SSU72: variants seen among roughly 807,000 people sequenced by gnomAD.
SSU72 encodes the protein RNA polymerase II subunit A C-terminal domain phosphatase SSU72.
In SSU72, 12 loss-of-function variants were observed where a neutral mutation model predicts 22.7. That is an observed-to-expected ratio of 0.53 (90% CI 0.34 to 0.86). The LOEUF (loss-of-function observed/expected upper bound fraction) is 0.86, where lower values mean the gene tolerates loss of function less well. SSU72 is among the 40% of genes least tolerant of loss of function. The probability of loss-of-function intolerance (pLI) is 0.02; values close to 1 mark genes in which losing one functional copy is unlikely to be tolerated. For synonymous variants in SSU72, 116 were observed against 98.3 expected (o/e 1.18, Z -1.06); for missense variants, 151 against 249.8 (o/e 0.60, Z 2.67).
At chr1:1,572,917 G>A (rs1278604654) in intron 1 of SSU72, among the ~76,000 whole-genome samples, 2 of 143,150 alleles carry the variant, frequency 1.4e-5, no homozygotes, top group African/African-American at 5.1e-5. Flanking sequence ...TTGCTTAAAT[G>A]TATCAAATTT....
chr1:1,553,377 C>T lies in SSU72; in HGVS notation c.225-8375G>A, dbSNP rs947619710. Among the ~76,000 whole-genome samples the T allele has an allele frequency of 2.6e-5, 4 of 152,068 alleles. No homozygotes were observed. In the South Asian group the frequency reaches 6.2e-4, roughly 24 times the overall value. ...GTTGTTTTGCCAGGAAATTCAGCTT[C>T]GGAATACAACCTTTTAAGGCTGAGG... On this transcript the variant is annotated intron_variant, in intron 2 of 4. Coordinates refer to ENST00000291386, the MANE Select transcript of SSU72 (RefSeq NM_014188.3).
chr1:1,573,232 TAAG>T (rs1420401826), intron 1 of SSU72, among the ~76,000 whole-genome samples: 1 of 135,566 alleles, frequency 7.4e-6, no homozygotes, highest in East Asian at 2.2e-4. Flanking sequence ...CCATCCTGGC[TAAG>T]ATGATGAAAC....
chr1:1,557,602 C>T (rs1253709905), intron 2 of SSU72, among the ~76,000 whole-genome samples: 5 of 151,968 alleles, frequency 3.3e-5, no homozygotes, highest in Non-Finnish European at 7.4e-5. Flanking sequence ...TGAGACATGT[C>T]TGGCCAACGT....
chr1:1,574,351 C>G, intron 1 of SSU72, 127 bp downstream of exon 1: 1 of 990,852 alleles, frequency 1.0e-6, no homozygotes, highest in Non-Finnish European at 1.5e-6. Context: ...TCCCAACCAG[C>G]CGACCCACGA....
chr1:1,555,548 G>A (rs528817356), intron 2 of SSU72, among the ~76,000 whole-genome samples: 29 of 152,320 alleles, frequency 1.9e-4, no homozygotes, highest in African/African-American at 4.6e-4. Context: ...AAGCGTGGAC[G>A]GCAGCTCCGT....
rs1437763679 is a variant in SSU72, at chr1:1,542,401, T to TGGGAGGAGCC, written c.484-244_484-235dup. On this transcript the variant is annotated intron_variant, in intron 4 of 4. Coordinates refer to ENST00000291386, the MANE Select transcript of SSU72 (RefSeq NM_014188.3). The surrounding 1 kb of genome is among the most constrained non-coding windows in gnomAD (Gnocchi z 4.4). Reference sequence around the variant, plus strand: ...CACAGGACCTGAAGCTGGGAGGAGCTGGGAGGAGCCTGGAGCTGGATTCTG... The same window carrying TGGGAGGAGCC: ...CACAGGACCTGAAGCTGGGAGGAGCTGGGAGGAGCCGGGAGGAGCCTGGAGCTGGATTCTG... Among the ~76,000 whole-genome samples, 1 of 151,996 alleles carries TGGGAGGAGCC rather than the reference T, an allele frequency of 6.6e-6. No individual in the cohort carries two copies. Among genetic ancestry groups the TGGGAGGAGCC allele is most frequent in the Non-Finnish European group, 1.5e-5 (1 of 67,982 alleles).
chr1:1,572,402 T>G (rs960392852), intron 1 of SSU72, among the ~76,000 whole-genome samples: 1 of 148,616 alleles, frequency 6.7e-6, no homozygotes, highest in Non-Finnish European at 1.5e-5. Flanking sequence ...CACTCCAGCC[T>G]GGGCTACAGA....
At chr1:1,561,923 T>A (rs1411354244) in intron 2 of SSU72, 1 of 152,466 alleles carries the variant, frequency 6.6e-6, no homozygotes, top group Admixed American at 6.5e-5. Flanking sequence ...CTGCCACTCC[T>A]TCCCCCCACC....
intron 2 of SSU72, among the ~76,000 whole-genome samples, chr1:1,553,181 A>G (rs911082421): frequency 6.6e-6 from 1 of 152,164 alleles, no homozygotes; most frequent in Non-Finnish European, 1.5e-5. Context: ...TCACTTGGAC[A>G]GAAACCCTGG....
intron 2 of SSU72, among the ~76,000 whole-genome samples, chr1:1,552,112 G>C (rs1642462023): frequency 1.3e-5 from 2 of 152,320 alleles, no homozygotes; most frequent in African/African-American, 4.8e-5. Flanking sequence ...GCTCTGGAGG[G>C]CGCCGGCTGC....
chr1:1,556,912 C>T (rs1284269863), intron 2 of SSU72, among the ~76,000 whole-genome samples: 3 of 152,236 alleles, frequency 2.0e-5, no homozygotes, highest in Non-Finnish European at 4.4e-5. Flanking sequence ...CTACCTCAGC[C>T]AGTCAGCTCC....
chr1:1,573,435 A>C (rs1642763987), intron 1 of SSU72, among the ~76,000 whole-genome samples: 2 of 44,500 alleles, frequency 4.5e-5, no homozygotes, highest in Non-Finnish European at 6.2e-5. Context: ...GTCTCAAAAA[A>C]AAAAAAAAAA....
chr1:1,552,492 G>C (rs1252389510), intron 2 of SSU72, among the ~76,000 whole-genome samples: 1 of 152,226 alleles, frequency 6.6e-6, no homozygotes, highest in Non-Finnish European at 1.5e-5. Flanking sequence ...CAGGGTCTTG[G>C]TGCCTGAGCT....
intron 2 of SSU72, chr1:1,562,955 T>A (rs1287820735): frequency 6.6e-6 from 1 of 152,344 alleles, no homozygotes; most frequent in Non-Finnish European, 1.5e-5. Flanking sequence ...GCCACCAGGA[T>A]GGCTCCCAGC....
At chr1:1,559,087 C>T (rs1227910335) in intron 2 of SSU72, among the ~76,000 whole-genome samples, 1 of 152,244 alleles carries the variant, frequency 6.6e-6, no homozygotes, top group Non-Finnish European at 1.5e-5. Flanking sequence ...GGACACCCAG[C>T]GCAAAGCTGC....
chr1:1,554,629 G>A lies in SSU72; in HGVS notation c.225-9627C>T, dbSNP rs958768250. Reference sequence around the variant, plus strand: ...ATCCCACAGGAGAACCGAGAGGCCAGGACCACACTACCCTGCTATGAGTCA... The same window carrying A: ...ATCCCACAGGAGAACCGAGAGGCCAAGACCACACTACCCTGCTATGAGTCA... On this transcript the variant is annotated intron_variant, in intron 2 of 4. Transcript: ENST00000291386. The surrounding 1 kb of genome is among the most constrained non-coding windows in gnomAD (Gnocchi z 4.1). Among the ~76,000 whole-genome samples the A allele has an allele frequency of 5.3e-5, 8 of 152,144 alleles. No individual in the cohort carries two copies. The highest frequency in any genetic ancestry group is 1.9e-4 in the African/African-American group (8 of 41,416).
chr1:1,558,333 A>G, intron 2 of SSU72, among the ~76,000 whole-genome samples: 1 of 152,154 alleles, frequency 6.6e-6, no homozygotes, highest in East Asian at 1.9e-4. Flanking sequence ...GCACCACTGC[A>G]TTGCAGCCCA....
intron 1 of SSU72, 32 bp downstream of exon 1, chr1:1,574,446 G>T (rs775659351): frequency 1.6e-5 from 25 of 1,574,596 alleles, no homozygotes; most frequent in Non-Finnish European, 2.1e-5. Flanking sequence ...CGCCGGAGCA[G>T]AGCGCGCGGG....
At chr1:1,544,693 G>A in intron 3 of SSU72, 170 bp downstream of exon 3, 1 of 824,510 alleles carries the variant, frequency 1.2e-6, no homozygotes, top group Non-Finnish European at 2.0e-6. Context: ...CACATGGGTG[G>A]TTCAGCGACC....
Sources: gnomAD v4.1 joint callset for allele counts (sites outside exome capture counted in the v4.1 genomes callset) on GRCh38, gnomAD v4.1.1 for gene constraint, Gnocchi (gnomAD v3.1) non-coding constraint, MANE v1.5 for transcripts, NCBI Gene and HGNC (gene_info 2026-07-23, HGNC 2026-07-21) for gene names.